XIRP2: variants seen among roughly 807,000 people sequenced by gnomAD.
XIRP2 encodes xin actin binding repeat containing 2, also known as xin actin-binding repeat-containing protein 2.
A neutral mutation model predicts 277.0 loss-of-function variants in XIRP2; 236 were observed. The observed-to-expected ratio is 0.85, with a 90% CI of 0.77 to 0.95. XIRP2 has a LOEUF of 0.95. XIRP2 is among the 40% of genes least tolerant of loss of function. The pLI, the probability that XIRP2 is intolerant of heterozygous loss-of-function variation, is 0.00. For missense variants in XIRP2, 4,640 were observed against 4,157.5 expected, an observed-to-expected ratio of 1.12 and a Z score of -3.19; for synonymous variants, 1,490 against 1,416.5, an observed-to-expected ratio of 1.05 and a Z score of -1.17.
intron 1 of XIRP2, 127 bp downstream of exon 1, chr2:166,888,684 T>C (rs1574052166): frequency 6.6e-6 from 1 of 152,306 alleles, no homozygotes; most frequent in African/African-American, 2.4e-5. Flanking sequence ...TAATATACAT[T>C]AAATTAGCAT....
chr2:166,922,742 C>T (rs11889547), intron 2 of XIRP2, among the ~76,000 whole-genome samples: 1,577 of 150,516 alleles, frequency 0.01, 40 homozygotes, highest in African/African-American at 0.036. Flanking sequence ...GGCAACAGAG[C>T]GAGACTCCAT....
At chr2:166,937,414 T>A (rs1206614090) in intron 2 of XIRP2, among the ~76,000 whole-genome samples, 2 of 152,074 alleles carry the variant, frequency 1.3e-5, no homozygotes, top group Admixed American at 6.6e-5. Flanking sequence ...ATGTTGAACC[T>A]TGCACCAGCC....
intron 3 of XIRP2, chr2:167,187,205 A>G (rs528902955): frequency 1.0e-6 from 1 of 974,222 alleles, no homozygotes; most frequent in East Asian, 1.1e-4. Context: ...AGCCATGCAT[A>G]CATTACTGAG....
At chr2:166,927,858 C>T (rs1044317613) in intron 2 of XIRP2, among the ~76,000 whole-genome samples, 2 of 152,074 alleles carry the variant, frequency 1.3e-5, no homozygotes, top group East Asian at 3.9e-4. Flanking sequence ...TGTTTCAAAG[C>T]CATGAATATG....
At chr2:167,007,711 A>T (rs770800952) in intron 2 of XIRP2, among the ~76,000 whole-genome samples, 8,287 of 146,698 alleles carry the variant, frequency 0.056, 292 homozygotes, top group Middle Eastern at 0.14. Flanking sequence ...TCTCACACAC[A>T]CACACACACA....
chr2:166,953,665 T>A (rs1686093168), intron 2 of XIRP2, among the ~76,000 whole-genome samples: 1 of 151,958 alleles, frequency 6.6e-6, no homozygotes. Flanking sequence ...AAGTAGAATG[T>A]TCCATCAGTT....
intron 2 of XIRP2, among the ~76,000 whole-genome samples, chr2:167,113,291 A>G (rs558628046): frequency 1.8e-4 from 28 of 152,250 alleles, no homozygotes; most frequent in African/African-American, 6.7e-4. Flanking sequence ...TAAATCTCTT[A>G]TAGGTCTCTA....
At chr2:167,044,291 T>A (rs1414496950) in intron 2 of XIRP2, among the ~76,000 whole-genome samples, 1 of 152,034 alleles carries the variant, frequency 6.6e-6, no homozygotes, top group African/African-American at 2.4e-5. Context: ...ATAAGAGCCA[T>A]CTATACAAAC....
At chr2:167,099,252 A>G (rs976617827) in intron 2 of XIRP2, among the ~76,000 whole-genome samples, 7 of 152,124 alleles carry the variant, frequency 4.6e-5, no homozygotes, top group African/African-American at 1.4e-4. Context: ...AGCTTTGCCT[A>G]GTTGCAGTAG....
chr2:167,198,700 A>G (rs1259061302), intron 3 of XIRP2, among the ~76,000 whole-genome samples: 1 of 152,212 alleles, frequency 6.6e-6, no homozygotes, highest in Non-Finnish European at 1.5e-5. Flanking sequence ...ACTGCTCTGA[A>G]AGAGTGAATT....
At chr2:167,044,965 G>T (rs1334136956) in intron 2 of XIRP2, among the ~76,000 whole-genome samples, 1 of 150,810 alleles carries the variant, frequency 6.6e-6, no homozygotes, top group Non-Finnish European at 1.5e-5. Flanking sequence ...AAAAAAAAAA[G>T]CCAGAGGCAT....
At chr2:167,214,262 AGAGAGAG>A (rs1694169840) in intron 4 of XIRP2, among the ~76,000 whole-genome samples, 5 of 89,558 alleles carry the variant, frequency 5.6e-5, no homozygotes, top group Non-Finnish European at 8.5e-5. Flanking sequence ...GGAAGGAAAG[AGAGAGAG>A]AGAAAGAGAG....
Position 167,249,507 on chromosome 2 carries a change from C to T in XIRP2, c.8115C>T (p.Ser2705=). ...ACTTGCCCCAAAGCAAACCAATTTC[C>T]CCAAATTTCAAAGTTAAAACCATCA... The part of the protein sequence containing the change: ...QLHLPQSKPI[S]PNFKVKTIKL... Residue 2705 remains serine, a synonymous_variant, in exon 9 of 11, where the codon TCC becomes TCT. Transcript: ENST00000409195. The T allele has an allele frequency of 6.8e-6, 11 of 1,613,628 alleles. No individual in the cohort carries two copies. Among genetic ancestry groups the T allele is most frequent in the Non-Finnish European group, 9.3e-6 (11 of 1,179,790 alleles).
chr2:166,977,128 C>A (rs1227514971), intron 2 of XIRP2, among the ~76,000 whole-genome samples: 1 of 151,898 alleles, frequency 6.6e-6, no homozygotes, highest in African/African-American at 2.4e-5. Flanking sequence ...TTTCCTCTTG[C>A]TACTTTCAAG....
intron 2 of XIRP2, among the ~76,000 whole-genome samples, chr2:167,100,538 G>A (rs1690459265): frequency 6.6e-6 from 1 of 152,028 alleles, no homozygotes; most frequent in Non-Finnish European, 1.5e-5. Context: ...ATTTCCCCTT[G>A]GCCTAAGAAG....
At chr2:167,022,216 A>T (rs904982448) in intron 2 of XIRP2, among the ~76,000 whole-genome samples, 1 of 152,070 alleles carries the variant, frequency 6.6e-6, no homozygotes, top group Non-Finnish European at 1.5e-5. Context: ...ATGGGGAGCA[A>T]TATTTTGGAT....
intron 3 of XIRP2, among the ~76,000 whole-genome samples, chr2:167,201,213 AG>A (rs1290795406): frequency 1.7e-5 from 2 of 115,160 alleles, no homozygotes; most frequent in East Asian, 6.8e-4. Context: ...AAAGAAAGAA[AG>A]AAAGAAAGAA....
chr2:167,162,286 C>T (rs945393288), intron 3 of XIRP2, among the ~76,000 whole-genome samples: 1 of 152,222 alleles, frequency 6.6e-6, no homozygotes, highest in Non-Finnish European at 1.5e-5. Context: ...AGCAGCACCC[C>T]ACTCTACTGG....
chr2:167,245,657 G>C lies in XIRP2; in HGVS notation c.4265G>C (p.Arg1422Thr), dbSNP rs773143445. ...CAAGGTGGCAATGTAAAGACAAGTA[G>C]ACAATTCTTTGAGTCTGAAAATTTT... The part of the protein sequence containing the change: ...HIQGGNVKTS[R>T]QFFESENFDK... The change falls in exon 9 of 11, where the codon AGA becomes ACA. Residue 1422 changes from arginine (R) to threonine (T), a missense_variant. Physicochemically the swap from Arg to Thr is moderately conservative, Grantham distance 71 (BLOSUM62 -1). Coordinates refer to ENST00000409195, the MANE Select transcript of XIRP2 (RefSeq NM_152381.6). The C allele has an allele frequency of 3.2e-5, 51 of 1,613,410 alleles. No individual in the cohort carries two copies. The highest frequency in any genetic ancestry group is 4.2e-5 in the Non-Finnish European group (50 of 1,179,716).
Sources: allele counts gnomAD v4.1 joint callset (sites outside exome capture counted in the v4.1 genomes callset), GRCh38; gene constraint gnomAD v4.1.1; transcripts MANE v1.5; gene names NCBI Gene and HGNC (gene_info 2026-07-23, HGNC 2026-07-21).